The following PTPN12 variants were observed in gnomAD, a reference collection of about 807,000 sequenced individuals.
PTPN12 encodes the protein protein tyrosine phosphatase non-receptor type 12, also known as tyrosine-protein phosphatase non-receptor type 12.
Under a neutral mutation model 97.6 loss-of-function variants are expected in PTPN12, and 29 were observed. That is an observed-to-expected ratio of 0.30 (90% CI 0.22 to 0.41). PTPN12 has a LOEUF of 0.41. PTPN12 is among the 10% of genes least tolerant of loss of function. PTPN12 has a pLI of 1.00. For missense variants in PTPN12, 819 were observed against 926.0 expected, an observed-to-expected ratio of 0.88 and a Z score of 1.50; for synonymous variants, 327 against 300.4, an observed-to-expected ratio of 1.09 and a Z score of -0.91.
At chr7:77,602,371 A>G (rs1442199037) in intron 8 of PTPN12, among the ~76,000 whole-genome samples, 1 of 152,210 alleles carries the variant, frequency 6.6e-6, no homozygotes, top group Non-Finnish European at 1.5e-5. Flanking sequence ...TAATACATAA[A>G]ACAAAGCTAA....
chr7:77,633,385 A>G (rs1789473033), intron 14 of PTPN12, among the ~76,000 whole-genome samples: 1 of 152,082 alleles, frequency 6.6e-6, no homozygotes, highest in Admixed American at 6.6e-5. Context: ...CAAGGCGGGC[A>G]GATCACGAGG....
In PTPN12 at chr7:77,627,312, A is replaced by G. The variant is rs778426092; in HGVS notation, c.1633A>G (p.Ile545Val). 1.2e-6 allele frequency: 2 copies of G among 1,614,206 alleles called. No individual in the cohort carries two copies. Among genetic ancestry groups the G allele is most frequent in the South Asian group, 1.1e-5 (1 of 91,086 alleles). ...TWSFHGPENA[I>V]PIPDLSEGNS... ...GTCATTTCATGGACCTGAAAATGCC[A>G]TACCCATACCTGATTTATCTGAAGG... The change falls in exon 13 of 18, where the codon ATA (isoleucine) becomes GTA (valine). Residue 545 changes from isoleucine (I) to valine (V), a missense_variant. Physicochemically the swap from Ile to Val is conservative, Grantham distance 29. Transcript: ENST00000248594.
intron 1 of PTPN12, among the ~76,000 whole-genome samples, chr7:77,538,417 A>T (rs1215328108): frequency 8.2e-5 from 10 of 122,476 alleles, no homozygotes; most frequent in Admixed American, 7.3e-4. Context: ...GGCGGAGGGG[A>T]TGTGACTATC....
intron 2 of PTPN12, among the ~76,000 whole-genome samples, chr7:77,580,971 A>G (rs1435796566): frequency 6.6e-6 from 1 of 152,232 alleles, no homozygotes; most frequent in Non-Finnish European, 1.5e-5. Context: ...TTGAATTTTA[A>G]AAGAGTTCCA....
chr7:77,590,099 C>T (rs186038744), intron 5 of PTPN12, among the ~76,000 whole-genome samples: 1 of 152,276 alleles, frequency 6.6e-6, no homozygotes, highest in East Asian at 1.9e-4. Context: ...AGCATTTTGA[C>T]CATGGTGCAG....
chr7:77,629,950 A>G (rs1789340750), intron 13 of PTPN12, among the ~76,000 whole-genome samples: 1 of 151,908 alleles, frequency 6.6e-6, no homozygotes, highest in South Asian at 2.1e-4. Flanking sequence ...AAAAAAAAAA[A>G]AAAAAAAAGA....
chr7:77,600,762 G>A lies in PTPN12; in HGVS notation c.651G>A (p.Arg217=). The A allele has an allele frequency of 6.2e-7, 1 of 1,610,452 alleles. No individual in the cohort carries two copies. Among genetic ancestry groups the A allele is most frequent in the Non-Finnish European group, 8.5e-7 (1 of 1,178,256 alleles). ...TTCTGGACATGATAAGCTTAATGAG[G>A]AAATATCAAGAACATGAAGATGTTC... ...DSILDMISLM[R]KYQEHEDVPI... is the part of the protein sequence containing the mutation. Residue 217 remains arginine, a synonymous_variant, in exon 8 of 18, where the codon AGG becomes AGA. Transcript: ENST00000248594.
chr7:77,605,921 C>T lies in PTPN12; in HGVS notation c.696-1314C>T, dbSNP rs573740544. Among the ~76,000 whole-genome samples, 5 of 145,906 alleles carry T rather than the reference C, an allele frequency of 3.4e-5. No individual in the cohort carries two copies. The South Asian group carries it at 1.1e-3, about 31-fold the overall frequency. Reference sequence around the variant, plus strand: ...AGATTGAAATGATGTACCATTTCCTCCTGTACTCTAAAACAAGAGCCATCT... The same window carrying T: ...AGATTGAAATGATGTACCATTTCCTTCTGTACTCTAAAACAAGAGCCATCT... On this transcript the variant is annotated intron_variant, in intron 8 of 17. Coordinates refer to ENST00000248594, the MANE Select transcript of PTPN12 (RefSeq NM_002835.4).
At chr7:77,586,970 CTT>C (rs1389994071) in intron 5 of PTPN12, among the ~76,000 whole-genome samples, 2 of 152,212 alleles carry the variant, frequency 1.3e-5, no homozygotes, top group East Asian at 3.9e-4. Context: ...TTCTGATTCT[CTT>C]TGTTGTTTCC....
rs557030331 is a variant in PTPN12, at chr7:77,609,986, C to T, written c.763-779C>T. On this transcript the variant is annotated intron_variant, in intron 9 of 17. Coordinates refer to ENST00000248594, the MANE Select transcript of PTPN12 (RefSeq NM_002835.4). The stretch of plus-strand genomic sequence containing the variant: ...TTTAACCCTTCCATCTTAATCACTC[C>T]AAAATATTCTTGTTGATAACAGTTA... Among the ~76,000 whole-genome samples, 140 of 152,182 alleles carry T rather than the reference C, an allele frequency of 9.2e-4. 1 individual carries two copies. Among genetic ancestry groups the T allele is most frequent in the African/African-American group, 3.3e-3 (136 of 41,516 alleles).
chr7:77,592,022 A>G (rs1787882383), intron 5 of PTPN12, among the ~76,000 whole-genome samples, 163 bp from the exon 6 acceptor site: 1 of 152,186 alleles, frequency 6.6e-6, no homozygotes, highest in African/African-American at 2.4e-5. Flanking sequence ...TATTTTTTAA[A>G]ACAACTGGGT....
intron 1 of PTPN12, among the ~76,000 whole-genome samples, chr7:77,560,027 T>C (rs1365781750): frequency 6.6e-6 from 1 of 152,216 alleles, no homozygotes; most frequent in Admixed American, 6.5e-5. Context: ...TCATCTCTTA[T>C]CACTAGCACC....
Position 77,625,468 on chromosome 7 carries a change from G to GCTCTCTCTCT in PTPN12, c.1026-1234_1026-1233insTCTCTCTCTC, listed in dbSNP as rs139289279. The stretch of plus-strand genomic sequence containing the variant: ...AGGGTTTTGCCATATTGCCCAGGCT[G>GCTCTCTCTCT]CTCGCTCTCTCTCTCTCTCTCTCTC... On this transcript the variant is annotated intron_variant, in intron 12 of 17. Transcript: ENST00000248594. 2.2e-3 allele frequency among the ~76,000 whole-genome samples: 55 copies of GCTCTCTCTCT among 24,746 alleles called. 4 individuals carry two copies. The highest frequency in any genetic ancestry group is 0.01 in the African/African-American group (41 of 4,054). 16.2% of individuals were successfully genotyped at this position (24,746 alleles called of 152,430 possible). A position where few individuals can be genotyped will look rare whatever the true frequency, so the allele number is the denominator to read the frequency against.
At chr7:77,558,689 C>T (rs1403820795) in intron 1 of PTPN12, among the ~76,000 whole-genome samples, 1 of 152,138 alleles carries the variant, frequency 6.6e-6, no homozygotes, top group Non-Finnish European at 1.5e-5. Flanking sequence ...TCCATTATCC[C>T]CTGATAAGAG....
chr7:77,594,898 T>G (rs995656384), intron 6 of PTPN12, among the ~76,000 whole-genome samples: 2 of 152,224 alleles, frequency 1.3e-5, no homozygotes, highest in African/African-American at 2.4e-5. Context: ...ACTTGAAATT[T>G]TTGAACATTT....
At chr7:77,567,926 T>A (rs1194510943) in intron 1 of PTPN12, among the ~76,000 whole-genome samples, 1 of 152,222 alleles carries the variant, frequency 6.6e-6, no homozygotes, top group Admixed American at 6.5e-5. Flanking sequence ...GTCACACAGC[T>A]AAGAAAGTAC....
Position 77,639,303 on chromosome 7 carries a change from T to G in PTPN12, c.*23T>G, listed in dbSNP as rs746218253. ...TGATTCAGGGAGCTAGAAGACACTT[T>G]AAGTTATACTGGAAAATTCAGGTGC... On this transcript the variant is annotated 3_prime_UTR_variant, in exon 18 of 18. Coordinates refer to ENST00000248594, the MANE Select transcript of PTPN12 (RefSeq NM_002835.4). 8.8e-6 allele frequency: 14 copies of G among 1,590,856 alleles called. No individual in the cohort carries two copies. The highest frequency in any genetic ancestry group is 9.5e-6 in the Non-Finnish European group (11 of 1,162,094).
At chr7:77,559,497 AGAAGT>A (rs1293723906) in intron 1 of PTPN12, among the ~76,000 whole-genome samples, 3 of 152,236 alleles carry the variant, frequency 2.0e-5, no homozygotes, top group Non-Finnish European at 2.9e-5. Flanking sequence ...GATATAATAA[AGAAGT>A]GAATCAAAAA....
intron 1 of PTPN12, among the ~76,000 whole-genome samples, chr7:77,550,119 C>G (rs1170803430): frequency 6.6e-6 from 1 of 152,110 alleles, no homozygotes; most frequent in East Asian, 1.9e-4. Context: ...GCCTGCCTGC[C>G]TTTGTGCCTC....
Sources: gnomAD v4.1 joint callset for allele counts (sites outside exome capture counted in the v4.1 genomes callset) on GRCh38, gnomAD v4.1.1 for gene constraint, MANE v1.5 for transcripts, NCBI Gene and HGNC (gene_info 2026-07-23, HGNC 2026-07-21) for gene names.